SEMA5B: variants seen among roughly 807,000 people sequenced by gnomAD.
SEMA5B encodes the protein semaphorin-5B.
A neutral mutation model predicts 135.0 loss-of-function variants in SEMA5B; 66 were observed. The observed-to-expected ratio is 0.49, with a 90% CI of 0.40 to 0.60. The LOEUF (loss-of-function observed/expected upper bound fraction) is 0.60, where lower values mean the gene tolerates loss of function less well. Ranked by LOEUF, SEMA5B falls within the 20% of genes least tolerant of loss-of-function variation. The probability of loss-of-function intolerance (pLI) is 0.00; values close to 1 mark genes in which losing one functional copy is unlikely to be tolerated. For synonymous variants in SEMA5B, 690 were observed against 639.5 expected (o/e 1.08, Z -1.19); for missense variants, 1,501 against 1,566.3 (o/e 0.96, Z 0.70).
intron 4 of SEMA5B, 72 bp from the exon 5 acceptor site, chr3:122,939,542 C>T: frequency 8.2e-7 from 1 of 1,224,190 alleles, no homozygotes; most frequent in Non-Finnish European, 1.2e-6. Flanking sequence ...AGCCTCCTGG[C>T]TTGGGCCTCC....
chr3:122,969,529 G>T (rs1247274623), intron 1 of SEMA5B, among the ~76,000 whole-genome samples: 1 of 152,180 alleles, frequency 6.6e-6, no homozygotes, highest in South Asian at 2.1e-4. Flanking sequence ...GCCTGCTACT[G>T]CCAGGGCCTC....
At chr3:122,996,452 G>A (rs975915137) in intron 1 of SEMA5B, among the ~76,000 whole-genome samples, 1 of 152,200 alleles carries the variant, frequency 6.6e-6, no homozygotes, top group Non-Finnish European at 1.5e-5. Context: ...CCTGCCAGGG[G>A]AGCTGGCTGC....
intron 1 of SEMA5B, among the ~76,000 whole-genome samples, chr3:122,964,445 C>A (rs12635744): frequency 6.6e-6 from 1 of 152,098 alleles, no homozygotes; most frequent in African/African-American, 2.4e-5. Flanking sequence ...CAGGCCCAGA[C>A]CTGCCTATTT....
chr3:122,982,624 C>T (rs1003464097), intron 1 of SEMA5B, among the ~76,000 whole-genome samples: 3 of 152,146 alleles, frequency 2.0e-5, no homozygotes, highest in Non-Finnish European at 4.4e-5. Context: ...CCTCCTGTTT[C>T]CCCACCAACC....
At chr3:123,018,438 G>T (rs1942608441) in intron 1 of SEMA5B, among the ~76,000 whole-genome samples, 1 of 152,184 alleles carries the variant, frequency 6.6e-6, no homozygotes. Flanking sequence ...CAGACCTTTT[G>T]TGGCTAGGCT....
At chr3:122,941,178 G>A (rs1406069157) in intron 4 of SEMA5B, among the ~76,000 whole-genome samples, 2 of 152,136 alleles carry the variant, frequency 1.3e-5, no homozygotes, top group African/African-American at 2.4e-5. Flanking sequence ...CAGAAGAAAA[G>A]GAGGAAGGAA....
In SEMA5B at chr3:122,911,906, G is replaced by C. The variant is rs1461172484; in HGVS notation, c.3046+14C>G. The C allele has an allele frequency of 1.3e-6, 2 of 1,587,928 alleles. No individual in the cohort carries two copies. Among genetic ancestry groups the C allele is most frequent in the Admixed American group, 3.5e-5 (2 of 57,818 alleles). ...GGGAAGGGTTGCTGCGCAGGTGCTG[G>C]CAGGGGTACCTACCGGGAATCTCGC... On this transcript the variant is annotated intron_variant, in intron 20 of 22. Coordinates refer to ENST00000357599, the MANE Select transcript of SEMA5B (RefSeq NM_001031702.4).
At chr3:122,919,593 A>C (rs1233341254) in intron 12 of SEMA5B, among the ~76,000 whole-genome samples, 1 of 152,218 alleles carries the variant, frequency 6.6e-6, no homozygotes, top group Non-Finnish European at 1.5e-5. Flanking sequence ...ATCCTAGGAC[A>C]CAGTAAAACC....
intron 2 of SEMA5B, among the ~76,000 whole-genome samples, chr3:122,958,713 G>A (rs922067028): frequency 2.0e-5 from 3 of 152,186 alleles, no homozygotes; most frequent in African/African-American, 4.8e-5. Context: ...AGAGAGGCAA[G>A]GCAGAGGGAG....
At chr3:122,960,714 C>T (rs995781565) in intron 2 of SEMA5B, among the ~76,000 whole-genome samples, 94 of 152,294 alleles carry the variant, frequency 6.2e-4, no homozygotes, top group African/African-American at 2.3e-3. Context: ...GTGAAGTAAG[C>T]CAGCCACGAA....
In SEMA5B at chr3:122,932,243, A is replaced by ATTTTTTTTTTT. The variant is rs71136597; in HGVS notation, c.475-3196_475-3186dup. 1.1e-4 allele frequency among the ~76,000 whole-genome samples: 9 copies of ATTTTTTTTTTT among 85,390 alleles called. 2 individuals are homozygous for ATTTTTTTTTTT. Among genetic ancestry groups the ATTTTTTTTTTT allele is most frequent in the African/African-American group, 1.4e-4 (3 of 21,762 alleles). 56.0% of individuals were successfully genotyped at this position (85,390 alleles called of 152,430 possible). On this transcript the variant is annotated intron_variant, in intron 5 of 22. Transcript: ENST00000357599. ...GGTCTTACACATCCCTCTCAATATG[A>ATTTTTTTTTTT]TTTTTTTTTTTTTTTTTTTTTTTTT...
intron 4 of SEMA5B, among the ~76,000 whole-genome samples, chr3:122,940,111 C>G (rs1939488233): frequency 6.6e-6 from 1 of 152,232 alleles, no homozygotes; most frequent in South Asian, 2.1e-4. Context: ...CACCATCCCT[C>G]TCCCCACAGT....
chr3:122,967,443 G>T (rs974651397), intron 1 of SEMA5B, among the ~76,000 whole-genome samples: 1 of 152,084 alleles, frequency 6.6e-6, no homozygotes, highest in Non-Finnish European at 1.5e-5. Flanking sequence ...TTTGTGGGTG[G>T]GTGCACCCAT....
intron 1 of SEMA5B, among the ~76,000 whole-genome samples, chr3:122,978,413 TC>T (rs779230778): frequency 3.3e-5 from 5 of 152,130 alleles, no homozygotes; most frequent in Non-Finnish European, 7.4e-5. Context: ...CCGTGCAGCA[TC>T]CCAAACACTT....
chr3:122,930,199 G>A (rs1033576103), intron 5 of SEMA5B, among the ~76,000 whole-genome samples: 4 of 152,218 alleles, frequency 2.6e-5, no homozygotes, highest in African/African-American at 7.2e-5. Flanking sequence ...CCGGGAGAGC[G>A]AGCAGCAGAC....
intron 1 of SEMA5B, among the ~76,000 whole-genome samples, chr3:123,026,931 G>A (rs1329336309): frequency 6.6e-6 from 1 of 152,170 alleles, no homozygotes; most frequent in Non-Finnish European, 1.5e-5. Context: ...GCGGGTCTGG[G>A]AAGAATCCGG....
intron 4 of SEMA5B, among the ~76,000 whole-genome samples, chr3:122,941,340 T>C (rs1211521436): frequency 2.0e-5 from 3 of 152,212 alleles, no homozygotes; most frequent in Non-Finnish European, 4.4e-5. Flanking sequence ...TCCATCTTTG[T>C]GTGGGAAGCC....
chr3:122,983,009 G>A (rs1941571020), intron 1 of SEMA5B, among the ~76,000 whole-genome samples: 1 of 151,824 alleles, frequency 6.6e-6, no homozygotes, highest in South Asian at 2.1e-4. Flanking sequence ...TCTGATCACA[G>A]AAGGAAGGGT....
intron 8 of SEMA5B, among the ~76,000 whole-genome samples, 153 bp from the exon 9 acceptor site, chr3:122,926,830 T>C (rs1938661485): frequency 6.6e-6 from 1 of 152,196 alleles, no homozygotes; most frequent in Non-Finnish European, 1.5e-5. Flanking sequence ...TAACTAACTC[T>C]CTTCCCACTT....
Sources: allele counts gnomAD v4.1 joint callset (sites outside exome capture counted in the v4.1 genomes callset), GRCh38; gene constraint gnomAD v4.1.1; transcripts MANE v1.5; gene names NCBI Gene and HGNC (gene_info 2026-07-23, HGNC 2026-07-21).